The following SH3D19 variants were observed in gnomAD, a reference collection of about 807,000 sequenced individuals.
The protein encoded by SH3D19 is SH3 domain containing 19, also known as SH3 domain-containing protein 19.
SH3D19 carries 58 observed loss-of-function variants against 112.1 expected under a neutral mutation model. The ratio of observed to expected loss-of-function variants is 0.52; its 90% CI spans 0.42 to 0.64. SH3D19 has a LOEUF of 0.64. Ranked by LOEUF, SH3D19 falls within the 30% of genes least tolerant of loss-of-function variation. The probability of loss-of-function intolerance (pLI) is 0.00; values close to 1 mark genes in which losing one functional copy is unlikely to be tolerated. For missense variants in SH3D19, 1,090 were observed against 1,263.4 expected (o/e 0.86, Z 2.08); for synonymous variants, 391 against 448.5 (o/e 0.87, Z 1.62).
chr4:151,221,646 G>A (rs1389958488), intron 2 of SH3D19, among the ~76,000 whole-genome samples: 1 of 152,084 alleles, frequency 6.6e-6, no homozygotes, highest in Non-Finnish European at 1.5e-5. Context: ...AATACCTTTG[G>A]CATTTATTTA....
chr4:151,143,458 A>G (rs1029449589), intron 12 of SH3D19, among the ~76,000 whole-genome samples: 3 of 152,100 alleles, frequency 2.0e-5, no homozygotes, highest in African/African-American at 4.8e-5. Flanking sequence ...ACCTTAACAC[A>G]TATCTCCTCT....
intron 1 of SH3D19, among the ~76,000 whole-genome samples, chr4:151,303,333 A>C (rs929782023): frequency 6.6e-6 from 1 of 152,232 alleles, no homozygotes; most frequent in Non-Finnish European, 1.5e-5. Context: ...CATTTTCTTG[A>C]ATAGATTATC....
At position 151,175,086 on chromosome 4, in the gene SH3D19, G is replaced by C. The variant is rs200501776; in HGVS notation, c.1118C>G (p.Ala373Gly). 1 of 1,614,112 alleles carries C rather than the reference G, an allele frequency of 6.2e-7. No individual in the cohort carries two copies. Among genetic ancestry groups the C allele is most frequent in the Non-Finnish European group, 8.5e-7 (1 of 1,180,010 alleles). The part of the protein sequence containing the change: ...GLTPYPPLQE[A>G]GSIPVTKPEL... ...AGGTTTGGTTACTGGGATGCTTCCC[G>C]CTTCTTGCAGGGGAGGGTATGGGGT... is the stretch of plus-strand genomic sequence containing the variant. Residue 373 changes from alanine to glycine, a missense_variant, in exon 7 of 20, where the codon GCG becomes GGG. By Grantham distance (60) the Ala-to-Gly change is moderately conservative (BLOSUM62 0). Coordinates refer to ENST00000604030, the MANE Select transcript of SH3D19 (RefSeq NM_001378122.1).
In SH3D19 at chr4:151,155,529, G is replaced by C. The variant is rs545420556; in HGVS notation, c.1755+3711C>G. Among the ~76,000 whole-genome samples the C allele has an allele frequency of 3.8e-4, 58 of 150,974 alleles. 1 individual carries two copies. The highest frequency in any genetic ancestry group is 1.8e-3 in the Admixed American group (28 of 15,138). On this transcript the variant is annotated intron_variant, in intron 9 of 19. Coordinates refer to ENST00000604030, the MANE Select transcript of SH3D19 (RefSeq NM_001378122.1). Reference sequence around the variant, plus strand: ...ATTTGAACTGAAAATTTGGTTCAAAGACTTAAAAGTTAATTTCTCTTAAAA... The same window carrying C: ...ATTTGAACTGAAAATTTGGTTCAAACACTTAAAAGTTAATTTCTCTTAAAA...
intron 2 of SH3D19, among the ~76,000 whole-genome samples, chr4:151,213,228 A>C (rs1766261693): frequency 6.6e-6 from 1 of 152,246 alleles, no homozygotes; most frequent in African/African-American, 2.4e-5. Context: ...ATTTAACAGG[A>C]TTGGCTCCAA....
rs989516665 is a variant in SH3D19, at chr4:151,268,890, A to G, written c.113-42804T>C. On this transcript the variant is annotated intron_variant, in intron 1 of 19. Coordinates refer to ENST00000604030, the MANE Select transcript of SH3D19 (RefSeq NM_001378122.1). ...AGTCTTTGCTATTGAGAATAGTGCC[A>G]CAATAAACATATGTGTGCATGTGTC... Among the ~76,000 whole-genome samples the G allele has an allele frequency of 9.5e-4, 144 of 152,170 alleles. 1 individual carries two copies. The highest frequency in any genetic ancestry group is 3.3e-3 in the African/African-American group (138 of 41,510).
chr4:151,241,975 T>C (rs1028739229), intron 1 of SH3D19, among the ~76,000 whole-genome samples: 3 of 152,056 alleles, frequency 2.0e-5, no homozygotes, highest in African/African-American at 7.2e-5. Flanking sequence ...TGAGGATTGC[T>C]TGAACCCAGG....
At position 151,121,727 on chromosome 4, in the gene SH3D19, T is replaced by G. The variant is rs1002456769; in HGVS notation, c.*364A>C. ...TAAATGTCCTCTTTTTTAACTAAAG[T>G]AAAAAAATGAAGAAGCATGGTTAAT... On this transcript the variant is annotated 3_prime_UTR_variant, in exon 20 of 20. Transcript: ENST00000604030. The G allele has an allele frequency of 6.1e-6, 1 of 162,894 alleles. No homozygotes were observed. The highest frequency in any genetic ancestry group is 1.3e-5 in the Non-Finnish European group (1 of 75,744). 10.1% of individuals were successfully genotyped at this position (162,894 alleles called of 1,614,324 possible). A position where few individuals can be genotyped will look rare whatever the true frequency, so the allele number is the denominator to read the frequency against.
chr4:151,153,824 A>G (rs765466230), intron 9 of SH3D19, among the ~76,000 whole-genome samples: 1 of 152,226 alleles, frequency 6.6e-6, no homozygotes, highest in Non-Finnish European at 1.5e-5. Flanking sequence ...TCATGTTGTC[A>G]TGTGAGGAAC....
At chr4:151,157,016 C>T (rs1433326024) in intron 9 of SH3D19, among the ~76,000 whole-genome samples, 4 of 152,232 alleles carry the variant, frequency 2.6e-5, no homozygotes, top group South Asian at 2.1e-4. Context: ...CTTTGGGAGG[C>T]GGAGGCCAGA....
chr4:151,236,185 G>A (rs1770022925), intron 1 of SH3D19, among the ~76,000 whole-genome samples: 1 of 152,262 alleles, frequency 6.6e-6, no homozygotes, highest in Non-Finnish European at 1.5e-5. Context: ...CGCTGTGGGG[G>A]CCCCTCTCTG....
intron 2 of SH3D19, among the ~76,000 whole-genome samples, chr4:151,212,156 A>T (rs532512338): frequency 1.2e-4 from 19 of 152,256 alleles, no homozygotes; most frequent in African/African-American, 3.9e-4. Flanking sequence ...CCATTAAATA[A>T]TTTTTTTATT....
intron 1 of SH3D19, among the ~76,000 whole-genome samples, chr4:151,253,002 A>G (rs1771528831): frequency 6.6e-6 from 1 of 152,204 alleles, no homozygotes. Context: ...AGTTCACTGC[A>G]ATAGTTTTCT....
intron 7 of SH3D19, chr4:151,170,509 A>G (rs1758864745): frequency 6.6e-6 from 1 of 152,172 alleles, no homozygotes; most frequent in Non-Finnish European, 1.5e-5. Context: ...ATGCAGATAT[A>G]AAATTTTGAA....
intron 9 of SH3D19, among the ~76,000 whole-genome samples, chr4:151,157,259 GAA>G (rs560064738): frequency 8.2e-6 from 1 of 122,044 alleles, no homozygotes; most frequent in African/African-American, 3.0e-5. Context: ...CTCAAAAAAA[GAA>G]AAAAAAAAAA....
chr4:151,317,740 G>A (rs933889579), intron 1 of SH3D19, among the ~76,000 whole-genome samples: 17 of 152,164 alleles, frequency 1.1e-4, no homozygotes, highest in Admixed American at 2.0e-4. Flanking sequence ...ATGGGAAGCC[G>A]AGGCAGGCAC....
chr4:151,122,511 T>TCTCACACACACA (rs1554028070), intron 19 of SH3D19, among the ~76,000 whole-genome samples: 1 of 148,410 alleles, frequency 6.7e-6, no homozygotes, highest in African/African-American at 2.5e-5. Context: ...ATACCAGTTA[T>TCTCACACACACA]CACACACACA....
Position 151,174,791 on chromosome 4 carries a change from T to TGG in SH3D19, c.1411_1412dup (p.Val472GlnfsTer41). ...AGGGCTTGCTCTGCAGAACTGGAAC[T>TGG]GGGGGGTTGGCTGGGGGCCCTTCTC... On this transcript the variant is annotated frameshift_variant, in exon 7 of 20. Transcript: ENST00000604030. LOFTEE classifies it high-confidence loss of function. 6.4e-7 allele frequency: 1 copy of TGG among 1,557,036 alleles called. No individual in the cohort carries two copies. Among genetic ancestry groups the TGG allele is most frequent in the South Asian group, 1.3e-5 (1 of 79,824 alleles).
At chr4:151,174,269 A>G (rs1278299494) in intron 7 of SH3D19, among the ~76,000 whole-genome samples, 1 of 152,136 alleles carries the variant, frequency 6.6e-6, no homozygotes, top group Non-Finnish European at 1.5e-5. Flanking sequence ...ATCCTTCTAC[A>G]TGTTCCATAA....
Sources: gnomAD v4.1 joint callset for allele counts (sites outside exome capture counted in the v4.1 genomes callset) on GRCh38, gnomAD v4.1.1 for gene constraint, MANE v1.5 for transcripts, NCBI Gene and HGNC (gene_info 2026-07-23, HGNC 2026-07-21) for gene names.